Variants in SBNO2 observed in about 807,000 individuals in gnomAD.
SBNO2 encodes the protein strawberry notch homolog 2.
A neutral mutation model predicts 146.3 loss-of-function variants in SBNO2; 89 were observed. That is an observed-to-expected ratio of 0.61 (90% CI 0.51 to 0.73). The LOEUF (loss-of-function observed/expected upper bound fraction) is 0.73, where lower values mean the gene tolerates loss of function less well. Ranked by LOEUF, SBNO2 falls within the 30% of genes least tolerant of loss-of-function variation. The pLI, the probability that SBNO2 is intolerant of heterozygous loss-of-function variation, is 0.00. For missense variants in SBNO2, 2,092 were observed against 2,003.7 expected, an observed-to-expected ratio of 1.04 and a Z score of -0.84; for synonymous variants, 1,147 against 892.6, an observed-to-expected ratio of 1.29 and a Z score of -5.08.
chr19:1,164,633 G>A (rs62131883), intron 1 of SBNO2, among the ~76,000 whole-genome samples: 14 of 18,220 alleles, frequency 7.7e-4, no homozygotes, highest in South Asian at 1.7e-3. Context: ...ACAGGAGGAG[G>A]AGGAGGAGGA....
chr19:1,155,815 C>A (rs1186574095), intron 1 of SBNO2, among the ~76,000 whole-genome samples: 1 of 152,176 alleles, frequency 6.6e-6, no homozygotes, highest in Non-Finnish European at 1.5e-5. Flanking sequence ...CAGGGGCCCA[C>A]CAGTGCTAGG....
At chr19:1,114,637 A>ATATTT (rs58270021) in intron 17 of SBNO2, among the ~76,000 whole-genome samples, 58,677 of 151,490 alleles carry the variant, frequency 0.39, 13,884 homozygotes, top group African/African-American at 0.68. Context: ...GTGGGGGGCC[A>ATATTT]TATTTTATTT....
At chr19:1,131,525 T>A (rs1341447261) in intron 4 of SBNO2, among the ~76,000 whole-genome samples, 1 of 152,090 alleles carries the variant, frequency 6.6e-6, no homozygotes, top group African/African-American at 2.4e-5. Context: ...CAGAACTGAC[T>A]CCAGACCTGA....
In SBNO2 at chr19:1,111,108, G is replaced by C. The variant is rs770427346; in HGVS notation, c.2810-15C>G. 9.7e-5 allele frequency: 150 copies of C among 1,542,796 alleles called. No homozygotes were observed. In the Admixed American group the frequency reaches 2.5e-3, roughly 25 times the overall value. On this transcript the variant is annotated splice_polypyrimidine_tract_variant and intron_variant, in intron 24 of 31. Coordinates refer to ENST00000361757, the MANE Select transcript of SBNO2 (RefSeq NM_014963.3). ...CTGCTTCATGTCTGCGGGGAGAGGG[G>C]CCTCACATGCTGGTCTTCCCACCCC... is the stretch of plus-strand genomic sequence containing the variant.
Position 1,112,381 on chromosome 19 carries a change from T to C in SBNO2, c.2515+21A>G, listed in dbSNP as rs2079774717. On this transcript the variant is annotated intron_variant, in intron 21 of 31. Transcript: ENST00000361757. The surrounding 1 kb of genome is among the most constrained non-coding windows in gnomAD (Gnocchi z 5.9). ...TGTTGGGGGCGGGGCCAGGCAGCGC[T>C]GGGGGCGGGGCCGGACTCACCGAAC... 1.9e-6 allele frequency: 3 copies of C among 1,586,474 alleles called. No individual in the cohort carries two copies. Among genetic ancestry groups the C allele is most frequent in the Non-Finnish European group, 2.6e-6 (3 of 1,170,166 alleles).
Position 1,122,551 on chromosome 19 carries a change from C to A in SBNO2, c.922G>T (p.Val308Phe). 6.5e-7 allele frequency: 1 copy of A among 1,542,112 alleles called. No individual in the cohort carries two copies. The highest frequency in any genetic ancestry group is 8.7e-7 in the Non-Finnish European group (1 of 1,144,246). ...RGRKKALWFS[V>F]SNDLKYDAER... is the part of the protein sequence containing the mutation. ...GCATCGTACTTGAGGTCGTTGGAGA[C>A]GCTGAACCTGCGGGGTGGGGGCGTC... Residue 308 changes from valine to phenylalanine, a missense_variant, in exon 10 of 32, where the codon GTC becomes TTC. Physicochemically the swap from Val to Phe is conservative, Grantham distance 50 (BLOSUM62 -1). Transcript: ENST00000361757.
Position 1,112,793 on chromosome 19 carries a change from C to T in SBNO2, c.2379+25G>A, listed in dbSNP as rs377467152. On this transcript the variant is annotated intron_variant, in intron 20 of 31. Transcript: ENST00000361757. The surrounding 1 kb of genome is among the most constrained non-coding windows in gnomAD (Gnocchi z 5.9). The stretch of plus-strand genomic sequence containing the variant: ...TGTGCCTCTTGGGTCCCGTGGGCCG[C>T]GCCCAGTGCACTGCAGCCCCGCACC... The T allele has an allele frequency of 3.2e-5, 49 of 1,549,500 alleles. No homozygotes were observed. Among genetic ancestry groups the T allele is most frequent in the East Asian group, 1.4e-4 (6 of 41,386 alleles).
chr19:1,147,055 C>G (rs75156553), intron 4 of SBNO2, among the ~76,000 whole-genome samples: 124 of 152,192 alleles, frequency 8.1e-4, no homozygotes, highest in African/African-American at 2.8e-3. Context: ...GTGGCATTGC[C>G]CAGATGCTCG....
chr19:1,161,730 T>C (rs1321462458), intron 1 of SBNO2, among the ~76,000 whole-genome samples: 1 of 151,962 alleles, frequency 6.6e-6, no homozygotes, highest in Middle Eastern at 3.2e-3. Context: ...AGTTCTCAAG[T>C]CTGCTGCCAA....
intron 4 of SBNO2, chr19:1,132,285 C>CCGCCG: frequency 7.6e-7 from 1 of 1,312,004 alleles, no homozygotes; most frequent in Non-Finnish European, 9.7e-7. Context: ...GGTTTAGTCA[C>CCGCCG]CGCCGCCGGC....
Position 1,108,854 on chromosome 19 carries a change from C to T in SBNO2, c.3541G>A (p.Val1181Ile), listed in dbSNP as rs2079712153. 6 of 1,597,284 alleles carry T rather than the reference C, an allele frequency of 3.8e-6. No individual in the cohort carries two copies. The highest frequency in any genetic ancestry group is 4.2e-6 in the Non-Finnish European group (5 of 1,177,616). ...LLRVWGRIAA[V>I]MADVSSSSYL... ...CTGCTGCTGCTGACGTCGGCCATGA[C>T]GGCGGCGATGCGGCCCCACACGCGC... The change falls in exon 31 of 32, where the codon GTC becomes ATC. Residue 1181 changes from valine to isoleucine, a missense_variant. By Grantham distance (29) the Val-to-Ile change is conservative. Transcript: ENST00000361757.
chr19:1,154,221 G>T lies in SBNO2; in HGVS notation c.56C>A (p.Pro19Gln). The T allele has an allele frequency of 2.4e-6, 3 of 1,260,818 alleles. No homozygotes were observed. The highest frequency in any genetic ancestry group is 3.0e-6 in the Non-Finnish European group (3 of 1,002,718). The allele number at this position is 1,260,818 out of a possible 1,614,324, so 78.1% of individuals were successfully genotyped here. Residue 19 changes from proline to glutamine, a missense_variant, in exon 2 of 32, where the codon CCG (proline) becomes CAG (glutamine). Coordinates refer to ENST00000361757, the MANE Select transcript of SBNO2 (RefSeq NM_014963.3). ...CGGGCTGTACAGGAGGCTGCCCGCC[G>T]GCGGGGGTTCATGCTGCGGGTAATC... Reference protein sequence around the residue: ...DRDYPQHEPPPAGSLLYSPPP... With the variant: ...DRDYPQHEPPQAGSLLYSPPP...
Position 1,117,479 on chromosome 19 carries a change from C to A in SBNO2, c.1548G>T (p.Val516=). Residue 516 remains valine (V), a synonymous_variant, in exon 15 of 32, where the codon GTG becomes GTT. Coordinates refer to ENST00000361757, the MANE Select transcript of SBNO2 (RefSeq NM_014963.3). ...AALLWAEALN[V]FQQAADWIGL... is the part of the protein sequence containing the mutation. ...CGATCCAGTCGGCCGCCTGCTGGAA[C>A]ACGTTCAGGGCCTCGGCCCACTGCA... The A allele has an allele frequency of 6.3e-7, 1 of 1,586,116 alleles. No homozygotes were observed. Among genetic ancestry groups the A allele is most frequent in the African/African-American group, 1.3e-5 (1 of 74,248 alleles).
At position 1,110,966 on chromosome 19, in the gene SBNO2, T is replaced by C. The variant is rs2079751193; in HGVS notation, c.2884+53A>G. On this transcript the variant is annotated intron_variant, in intron 25 of 31. Coordinates refer to ENST00000361757, the MANE Select transcript of SBNO2 (RefSeq NM_014963.3). The surrounding 1 kb of genome is among the most constrained non-coding windows in gnomAD (Gnocchi z 4.9). Reference sequence around the variant, plus strand: ...CTTTGCTCACCACCCGAGGCCAAGGTTGCATGAGATGAGAGACAGGAGCGC... The same window carrying C: ...CTTTGCTCACCACCCGAGGCCAAGGCTGCATGAGATGAGAGACAGGAGCGC... 5.0e-6 allele frequency: 8 copies of C among 1,610,284 alleles called. No homozygotes were observed. In the African/African-American group the frequency reaches 8.0e-5, roughly 16 times the overall value.
At chr19:1,116,685 G>A (rs2079835944) in intron 16 of SBNO2, 144 bp downstream of exon 16, 3 of 649,064 alleles carry the variant, frequency 4.6e-6, no homozygotes, top group East Asian at 5.9e-5. Context: ...AGGCCTCTGT[G>A]GCTGAGGCTG....
chr19:1,149,942 G>A (rs981936226), intron 2 of SBNO2, among the ~76,000 whole-genome samples: 19 of 152,198 alleles, frequency 1.2e-4, no homozygotes, highest in African/African-American at 2.2e-4. Context: ...CAGGCCCCTC[G>A]GACAAGCTGA....
chr19:1,147,430 GA>G lies in SBNO2; in HGVS notation c.168-11del. ...GGAGCTCATGAACGGGCTGGAGGGA[GA>G]TGGGGGGGGGGGAGGTGAGATGGGG... On this transcript the variant is annotated splice_polypyrimidine_tract_variant and intron_variant, in intron 3 of 31. Transcript: ENST00000361757. 7.3e-6 allele frequency: 6 copies of G among 824,602 alleles called. No homozygotes were observed. The highest frequency in any genetic ancestry group is 1.9e-5 in the South Asian group (1 of 52,844). The allele number at this position is 824,602 out of a possible 1,614,324, so 51.1% of individuals were successfully genotyped here.
chr19:1,170,298 A>G (rs4807629), intron 1 of SBNO2, among the ~76,000 whole-genome samples: 41,690 of 152,034 alleles, frequency 0.27, 6,534 homozygotes, highest in East Asian at 0.46. Flanking sequence ...ACGGGTGACC[A>G]CACCTCCCAG....
chr19:1,124,738 G>A (rs1401975818), intron 5 of SBNO2, among the ~76,000 whole-genome samples: 1 of 152,230 alleles, frequency 6.6e-6, no homozygotes, highest in Non-Finnish European at 1.5e-5. Flanking sequence ...GCCTCATGCA[G>A]ATTCACCAGG....
Sources: gnomAD v4.1 joint callset for allele counts (sites outside exome capture counted in the v4.1 genomes callset) on GRCh38, gnomAD v4.1.1 for gene constraint, Gnocchi (gnomAD v3.1) non-coding constraint, MANE v1.5 for transcripts, NCBI Gene and HGNC (gene_info 2026-07-23, HGNC 2026-07-21) for gene names.